The following FRAS1 variants were observed in gnomAD, a reference collection of about 807,000 sequenced individuals.
FRAS1 encodes extracellular matrix organizing protein FRAS1.
A neutral mutation model predicts 435.2 loss-of-function variants in FRAS1; 290 were observed. The ratio of observed to expected loss-of-function variants is 0.67; its 90% CI spans 0.61 to 0.73. The LOEUF (loss-of-function observed/expected upper bound fraction) is 0.73. Ranked by LOEUF, FRAS1 falls within the 30% of genes least tolerant of loss-of-function variation. The pLI is 0.00. For missense variants in FRAS1, 4,860 were observed against 5,001.5 expected (o/e 0.97, Z 0.85); for synonymous variants, 1,800 against 1,851.0 (o/e 0.97, Z 0.71).
At chr4:78,221,440 A>C (rs2110096770) in intron 2 of FRAS1, among the ~76,000 whole-genome samples, 1 of 152,326 alleles carries the variant, frequency 6.6e-6, no homozygotes, top group Admixed American at 6.5e-5. Flanking sequence ...AACTTTAAAA[A>C]ATTTGCATAT....
intron 41 of FRAS1, 97 bp downstream of exon 41, chr4:78,441,394 AGAG>A: frequency 8.8e-7 from 1 of 1,140,620 alleles, no homozygotes; most frequent in Non-Finnish European, 1.3e-6. Context: ...GGAGAACTAC[AGAG>A]GAGGGGAACC....
At chr4:78,177,148 C>T (rs1199725724) in intron 2 of FRAS1, among the ~76,000 whole-genome samples, 21 of 147,974 alleles carry the variant, frequency 1.4e-4, no homozygotes, top group Admixed American at 5.4e-4. Flanking sequence ...AGTGCAGTGG[C>T]GCTATCTCGG....
chr4:78,454,039 T>C (rs1012724701), intron 47 of FRAS1, among the ~76,000 whole-genome samples: 2 of 151,964 alleles, frequency 1.3e-5, no homozygotes, highest in Non-Finnish European at 2.9e-5. Flanking sequence ...CAGATGGTGA[T>C]GAGTGTCTAG....
In FRAS1 at chr4:78,452,373, G is replaced by C. The variant is rs745499177; in HGVS notation, c.6763+19G>C. ...TCACCAGGTAAGTCTATCATCTCTT[G>C]ATTTACTGAATCAAAACTTAGACCT... is the stretch of plus-strand genomic sequence containing the variant. On this transcript the variant is annotated intron_variant, in intron 47 of 73. Transcript: ENST00000512123. 1.3e-6 allele frequency: 2 copies of C among 1,574,386 alleles called. No homozygotes were observed. Among genetic ancestry groups the C allele is most frequent in the Non-Finnish European group, 1.7e-6 (2 of 1,164,212 alleles).
At chr4:78,112,924 C>T (rs1742839013) in intron 2 of FRAS1, among the ~76,000 whole-genome samples, 2 of 151,700 alleles carry the variant, frequency 1.3e-5, no homozygotes, top group Non-Finnish European at 2.9e-5. Context: ...TGTGCTGCAC[C>T]CATTAACTCG....
intron 66 of FRAS1, among the ~76,000 whole-genome samples, chr4:78,518,576 T>C (rs1455432961): frequency 6.6e-6 from 1 of 151,980 alleles, no homozygotes; most frequent in Non-Finnish European, 1.5e-5. Context: ...ACCATTCTGT[T>C]ATCTTTCCAT....
intron 32 of FRAS1, among the ~76,000 whole-genome samples, chr4:78,418,689 C>T (rs1578311564): frequency 6.6e-6 from 1 of 152,160 alleles, no homozygotes; most frequent in South Asian, 2.1e-4. Context: ...CGTGCACTGG[C>T]GTAACCCTGC....
At chr4:78,381,786 G>C (rs953179219) in intron 27 of FRAS1, among the ~76,000 whole-genome samples, 1 of 152,020 alleles carries the variant, frequency 6.6e-6, no homozygotes, top group South Asian at 2.1e-4. Flanking sequence ...ACCCCTAAAT[G>C]GGACAAAGAA....
At chr4:78,334,475 ATTC>A (rs542532478) in intron 19 of FRAS1, among the ~76,000 whole-genome samples, 18 of 148,220 alleles carry the variant, frequency 1.2e-4, no homozygotes, top group Non-Finnish European at 2.1e-4. Context: ...GGTTCAAGCA[ATTC>A]TTCTGCCTCA....
chr4:78,501,791 T>G (rs1484704133), intron 61 of FRAS1, among the ~76,000 whole-genome samples: 1 of 152,198 alleles, frequency 6.6e-6, no homozygotes, highest in Non-Finnish European at 1.5e-5. Context: ...CATGAAGTCG[T>G]TACCCATGCC....
At chr4:78,519,589 C>A in intron 67 of FRAS1, 108 bp downstream of exon 67, 1 of 1,329,440 alleles carries the variant, frequency 7.5e-7, no homozygotes, top group Non-Finnish European at 1.0e-6. Flanking sequence ...ATCCTGTTAT[C>A]CCGAAGACAA....
intron 2 of FRAS1, among the ~76,000 whole-genome samples, chr4:78,145,561 G>A (rs1720382488): frequency 6.6e-6 from 1 of 152,142 alleles, no homozygotes; most frequent in Non-Finnish European, 1.5e-5. Flanking sequence ...ACCTAACTGA[G>A]CTATGAGAAG....
chr4:78,089,172 C>T (rs1023127428), intron 2 of FRAS1, among the ~76,000 whole-genome samples: 5 of 151,056 alleles, frequency 3.3e-5, no homozygotes, highest in East Asian at 1.9e-4. Context: ...AGCAAACTAT[C>T]GCAAGGACAA....
At chr4:78,454,012 G>A (rs1200162387) in intron 47 of FRAS1, among the ~76,000 whole-genome samples, 1 of 152,086 alleles carries the variant, frequency 6.6e-6, no homozygotes, top group Admixed American at 6.5e-5. Flanking sequence ...AAGCAAGCAA[G>A]CACGTATATG....
At chr4:78,330,001 A>T (rs1729879473) in intron 18 of FRAS1, among the ~76,000 whole-genome samples, 1 of 152,204 alleles carries the variant, frequency 6.6e-6, no homozygotes, top group South Asian at 2.1e-4. Flanking sequence ...CAAAATTGAG[A>T]GAATGAACAA....
chr4:78,306,990 G>A (rs969060358), intron 14 of FRAS1, among the ~76,000 whole-genome samples: 2 of 152,130 alleles, frequency 1.3e-5, no homozygotes, highest in Non-Finnish European at 2.9e-5. Flanking sequence ...CCCCATCTTC[G>A]TGGTTTTATC....
At chr4:78,113,955 G>A (rs1404703530) in intron 2 of FRAS1, among the ~76,000 whole-genome samples, 3 of 152,098 alleles carry the variant, frequency 2.0e-5, no homozygotes, top group African/African-American at 7.2e-5. Context: ...GGTTTTTATG[G>A]TTTTAGGTCT....
chr4:78,164,539 G>C (rs898915928), intron 2 of FRAS1, among the ~76,000 whole-genome samples: 23 of 151,712 alleles, frequency 1.5e-4, no homozygotes, highest in African/African-American at 5.6e-4. Flanking sequence ...TTCTTCTAAA[G>C]GGAAAAAATC....
intron 7 of FRAS1, among the ~76,000 whole-genome samples, chr4:78,265,445 T>A (rs966998196): frequency 4.6e-5 from 7 of 152,222 alleles, no homozygotes; most frequent in Non-Finnish European, 1.0e-4. Context: ...GATGTTTTTC[T>A]GCTTTGGTTG....
Sources: allele counts gnomAD v4.1 joint callset (sites outside exome capture counted in the v4.1 genomes callset), GRCh38; gene constraint gnomAD v4.1.1; transcripts MANE v1.5; gene names NCBI Gene and HGNC (gene_info 2026-07-23, HGNC 2026-07-21).